PALLD: variants seen among roughly 807,000 people sequenced by gnomAD.
The protein encoded by PALLD is palladin.
A neutral mutation model predicts 123.5 loss-of-function variants in PALLD; 61 were observed. That is an observed-to-expected ratio of 0.49 (90% CI 0.40 to 0.61). The LOEUF is 0.61. Among genes scored for constraint, PALLD ranks in the 20% least tolerant of loss-of-function variants. The pLI is 0.00. For missense variants in PALLD, 1,273 were observed against 1,377.0 expected, an observed-to-expected ratio of 0.92 and a Z score of 1.20; for synonymous variants, 465 against 496.4, an observed-to-expected ratio of 0.94 and a Z score of 0.84.
intron 10 of PALLD, chr4:168,832,271 G>A (rs1372965089): frequency 1.2e-5 from 10 of 827,060 alleles, no homozygotes; most frequent in East Asian, 2.5e-4. Context: ...TGCAGGGCTC[G>A]GGACAGGGTG....
At chr4:168,813,751 T>C (rs1741511548) in intron 10 of PALLD, among the ~76,000 whole-genome samples, 1 of 152,218 alleles carries the variant, frequency 6.6e-6, no homozygotes, top group Non-Finnish European at 1.5e-5. Flanking sequence ...TGAGCTGCTG[T>C]ATGATTCTGT....
intron 2 of PALLD, among the ~76,000 whole-genome samples, chr4:168,542,872 C>T (rs1490838522): frequency 6.6e-6 from 1 of 151,158 alleles, no homozygotes; most frequent in Non-Finnish European, 1.5e-5. Flanking sequence ...CGTCATTGCC[C>T]TCTACGTGGC....
At chr4:168,691,449 T>C (rs879895303) in intron 8 of PALLD, among the ~76,000 whole-genome samples, 157 bp downstream of exon 8, 5 of 152,144 alleles carry the variant, frequency 3.3e-5, no homozygotes, top group Admixed American at 3.3e-4. Flanking sequence ...AACAATATCT[T>C]CTTTATCATG....
chr4:168,858,064 A>G (rs184495067), intron 10 of PALLD, among the ~76,000 whole-genome samples: 1 of 152,254 alleles, frequency 6.6e-6, no homozygotes, highest in Non-Finnish European at 1.5e-5. Flanking sequence ...TCATTGAGAA[A>G]TAGAAACTCT....
chr4:168,787,860 A>T (rs1736967747), intron 10 of PALLD, among the ~76,000 whole-genome samples: 2 of 152,224 alleles, frequency 1.3e-5, no homozygotes, highest in African/African-American at 4.8e-5. Context: ...GAGAGCAGGC[A>T]TCAAAGGGCC....
In PALLD at chr4:168,842,554, G is replaced by A. The variant is rs570994394; in HGVS notation, c.1965-48368G>A. ...GCTGAGAAAATGGCTGTCACTCCAAGTCTATCTTCTGATGGGCTGGTAGCT... is the reference window on the plus strand; with the variant it reads ...GCTGAGAAAATGGCTGTCACTCCAAATCTATCTTCTGATGGGCTGGTAGCT... On this transcript the variant is annotated intron_variant, in intron 10 of 21. Transcript: ENST00000505667. Among the ~76,000 whole-genome samples the A allele has an allele frequency of 3.3e-5, 5 of 152,316 alleles. No homozygotes were observed. The East Asian group carries it at 7.7e-4, about 24-fold the overall frequency.
rs73864622 is a variant in PALLD, at chr4:168,710,347, A to G, written c.1621+1200A>G. Among the ~76,000 whole-genome samples the G allele has an allele frequency of 5.5e-3, 833 of 152,080 alleles. 8 individuals carry two copies. The highest frequency in any genetic ancestry group is 0.016 in the African/African-American group (678 of 41,456). On this transcript the variant is annotated intron_variant, in intron 9 of 21. Transcript: ENST00000505667. ...TACTAATGAGCATTAGCTTACTTTA[A>G]TTGCCTCATCTCTGCCATTCATCTT...
intron 10 of PALLD, among the ~76,000 whole-genome samples, chr4:168,746,810 G>T (rs956892878): frequency 6.6e-6 from 1 of 152,168 alleles, no homozygotes; most frequent in African/African-American, 2.4e-5. Flanking sequence ...TTAGAAGAGG[G>T]AAGTTATCAA....
At chr4:168,814,873 C>A (rs1741686653) in intron 10 of PALLD, among the ~76,000 whole-genome samples, 1 of 152,142 alleles carries the variant, frequency 6.6e-6, no homozygotes, top group Admixed American at 6.5e-5. Context: ...TGGGTTCAAG[C>A]AATTCTCCTG....
intron 3 of PALLD, among the ~76,000 whole-genome samples, chr4:168,679,002 G>A (rs1025845538): frequency 6.9e-6 from 1 of 145,732 alleles, no homozygotes; most frequent in Non-Finnish European, 1.5e-5. Context: ...CGTGGTGTGG[G>A]TATGTGTAGC....
At chr4:168,791,772 C>T (rs1737560318) in intron 10 of PALLD, among the ~76,000 whole-genome samples, 1 of 152,126 alleles carries the variant, frequency 6.6e-6, no homozygotes, top group Non-Finnish European at 1.5e-5. Context: ...AGACAACAAA[C>T]TATGAACAAA....
At chr4:168,556,125 T>C (rs956121865) in intron 2 of PALLD, among the ~76,000 whole-genome samples, 1 of 151,838 alleles carries the variant, frequency 6.6e-6, no homozygotes, top group African/African-American at 2.4e-5. Context: ...AGACAGAGTC[T>C]CACTCTGTCG....
At chr4:168,685,363 G>T in intron 5 of PALLD, 122 bp from the exon 6 acceptor site, 1 of 761,272 alleles carries the variant, frequency 1.3e-6, no homozygotes, top group Non-Finnish European at 2.4e-6. Context: ...ATGATGTATG[G>T]TGGTACTTTC....
chr4:168,670,863 C>A (rs550317297), intron 3 of PALLD, among the ~76,000 whole-genome samples: 9 of 149,658 alleles, frequency 6.0e-5, no homozygotes, highest in African/African-American at 2.2e-4. Context: ...AGGAGGAGAT[C>A]AAGATCAGCC....
chr4:168,926,077 A>G (rs1380893460), intron 21 of PALLD, 136 bp from the exon 22 acceptor site: 4 of 682,582 alleles, frequency 5.9e-6, no homozygotes, highest in Non-Finnish European at 9.2e-6. Context: ...AAGTGTTCCT[A>G]AATTTTCCAT....
intron 10 of PALLD, among the ~76,000 whole-genome samples, chr4:168,803,454 G>A (rs1228277013): frequency 6.6e-6 from 1 of 152,122 alleles, no homozygotes; most frequent in Admixed American, 6.5e-5. Context: ...GGAGGCTGAG[G>A]TGAGAGGATT....
In PALLD at chr4:168,730,275, C is replaced by T. The variant is rs10010678; in HGVS notation, c.1964+18352C>T. Among the ~76,000 whole-genome samples, 4,734 of 152,078 alleles carry T rather than the reference C, an allele frequency of 0.031. 339 individuals carry two copies. The East Asian group carries it at 0.32, about 10-fold the overall frequency. On this transcript the variant is annotated intron_variant, in intron 10 of 21. Transcript: ENST00000505667. ...AGACCTTCTGCTGAATCTGTTATTT[C>T]TGCTATTGTATTTTTAATTTCCAAG...
chr4:168,738,503 T>A (rs1350070812), intron 10 of PALLD, among the ~76,000 whole-genome samples: 2 of 151,568 alleles, frequency 1.3e-5, no homozygotes, highest in Admixed American at 6.6e-5. Context: ...AGATCTTGAC[T>A]CACTGCAACC....
At chr4:168,700,504 TCTTA>T (rs1482166459) in intron 8 of PALLD, 1 of 152,210 alleles carries the variant, frequency 6.6e-6, no homozygotes, top group Non-Finnish European at 1.5e-5. Flanking sequence ...GGAAAATTGG[TCTTA>T]CTGAGAATTC....
Sources: allele counts gnomAD v4.1 joint callset (sites outside exome capture counted in the v4.1 genomes callset), GRCh38; gene constraint gnomAD v4.1.1; transcripts MANE v1.5; gene names NCBI Gene and HGNC (gene_info 2026-07-23, HGNC 2026-07-21).